The following AFF3 variants were observed in gnomAD, a reference collection of about 807,000 sequenced individuals.
AFF3 encodes the protein ALF transcription elongation factor 3, also known as AF4/FMR2 family member 3.
In AFF3, 32 loss-of-function variants were observed where a neutral mutation model predicts 129.7. That is an observed-to-expected ratio of 0.25 (90% CI 0.19 to 0.33). The LOEUF (loss-of-function observed/expected upper bound fraction) is 0.33. Among genes scored for constraint, AFF3 ranks in the 10% least tolerant of loss-of-function variants. The pLI is 1.00. For missense variants in AFF3, 1,373 were observed against 1,592.0 expected (o/e 0.86, Z 2.34); for synonymous variants, 644 against 635.4 (o/e 1.01, Z -0.20).
At chr2:99,650,119 G>A (rs932115859) in intron 12 of AFF3, among the ~76,000 whole-genome samples, 1 of 152,218 alleles carries the variant, frequency 6.6e-6, no homozygotes, top group South Asian at 2.1e-4. Context: ...AGTTTCCACA[G>A]TTGGAATATG....
At chr2:99,701,741 C>T (rs1028103615) in intron 11 of AFF3, among the ~76,000 whole-genome samples, 3 of 152,190 alleles carry the variant, frequency 2.0e-5, no homozygotes, top group African/African-American at 7.2e-5. Flanking sequence ...TGTAGCTACA[C>T]GTAACAGTCT....
chr2:99,937,446 C>T (rs955001877), intron 7 of AFF3, among the ~76,000 whole-genome samples: 30 of 152,084 alleles, frequency 2.0e-4, no homozygotes, highest in African/African-American at 7.0e-4. Context: ...GTTGCCCAGG[C>T]TGGAGTGGAG....
intron 10 of AFF3, 30 bp downstream of exon 10, chr2:99,744,074 G>A: frequency 1.3e-6 from 2 of 1,554,304 alleles, no homozygotes; most frequent in Non-Finnish European, 8.8e-7. Flanking sequence ...CTGCTCCCCA[G>A]ATGAAACTCC....
intron 1 of AFF3, among the ~76,000 whole-genome samples, chr2:100,134,303 A>G (rs1239560128): frequency 6.6e-6 from 1 of 152,196 alleles, no homozygotes; most frequent in Admixed American, 6.5e-5. Flanking sequence ...CATCAATATT[A>G]TTGTATTTCA....
At chr2:99,816,862 TCTC>T (rs1188289761) in intron 8 of AFF3, among the ~76,000 whole-genome samples, 1 of 152,126 alleles carries the variant, frequency 6.6e-6, no homozygotes, top group African/African-American at 2.4e-5. Flanking sequence ...GTTCTTCTTT[TCTC>T]CTCCTCTGGG....
chr2:100,018,203 C>A (rs927953060), intron 4 of AFF3, among the ~76,000 whole-genome samples: 19 of 151,920 alleles, frequency 1.3e-4, no homozygotes, highest in African/African-American at 3.9e-4. Context: ...CCCATTTTAC[C>A]GATTTTTTAG....
At chr2:100,045,107 G>A (rs1685727868) in intron 4 of AFF3, among the ~76,000 whole-genome samples, 2 of 152,176 alleles carry the variant, frequency 1.3e-5, no homozygotes, top group South Asian at 4.2e-4. Context: ...GGCTGGTCAG[G>A]AAGAGAAATG....
intron 7 of AFF3, among the ~76,000 whole-genome samples, chr2:99,908,706 C>CA (rs1303034569): frequency 6.6e-6 from 1 of 152,026 alleles, no homozygotes; most frequent in Non-Finnish European, 1.5e-5. Context: ...TTTATGCAGC[C>CA]AAAAAACACA....
In AFF3 at chr2:99,546,142, T is replaced by C. The variant is rs920551348; in HGVS notation, c.*5332A>G. The C allele has an allele frequency of 4.4e-6, 1 of 228,974 alleles. No homozygotes were observed. Among genetic ancestry groups the C allele is most frequent in the Admixed American group, 5.7e-5 (1 of 17,656 alleles). The allele number at this position is 228,974 out of a possible 1,614,324, so 14.2% of individuals were successfully genotyped here. A position where few individuals can be genotyped will look rare whatever the true frequency, so the allele number is the denominator to read the frequency against. On this transcript the variant is annotated 3_prime_UTR_variant, in exon 25 of 25. Coordinates refer to ENST00000672756, the MANE Select transcript of AFF3 (RefSeq NM_001386135.1). Reference sequence around the variant, plus strand: ...AAAAAACTTTCAAGATTCCACTTGATCCGGGTTTCTTCGAAAATGTATTAC... The same window carrying C: ...AAAAAACTTTCAAGATTCCACTTGACCCGGGTTTCTTCGAAAATGTATTAC...
intron 4 of AFF3, among the ~76,000 whole-genome samples, chr2:100,039,820 T>C (rs1035937150): frequency 2.6e-5 from 4 of 152,190 alleles, no homozygotes; most frequent in African/African-American, 9.6e-5. Context: ...GGTGATTGCC[T>C]GTCGCTTCCT....
chr2:99,582,925 T>C lies in AFF3; in HGVS notation c.2666A>G (p.His889Arg). 1 of 1,614,166 alleles carries C rather than the reference T, an allele frequency of 6.2e-7. No individual in the cohort carries two copies. Among genetic ancestry groups the C allele is most frequent in the Non-Finnish European group, 8.5e-7 (1 of 1,180,006 alleles). ...PISPLSDASKHKYTSEDLTSS... is the reference protein window; with the variant it reads ...PISPLSDASKRKYTSEDLTSS... ...AGTTAAGTCCTCGCTGGTGTATTTGTGTTTAGATGCATCAGAGAGGGGTGA... is the reference window on the plus strand; with the variant it reads ...AGTTAAGTCCTCGCTGGTGTATTTGCGTTTAGATGCATCAGAGAGGGGTGA... The change falls in exon 17 of 25, where the codon CAC (histidine) becomes CGC (arginine). Residue 889 changes from histidine (H) to arginine (R), a missense_variant. Physicochemically the swap from His to Arg is conservative, Grantham distance 29 (BLOSUM62 0). This residue lies in a region of AFF3 where 466 missense variants were observed against 505.0 expected (regional missense o/e 0.92). Transcript: ENST00000672756.
chr2:100,113,425 G>C (rs542910076), intron 2 of AFF3, among the ~76,000 whole-genome samples: 1 of 152,266 alleles, frequency 6.6e-6, no homozygotes, highest in South Asian at 2.1e-4. Flanking sequence ...AAACAGACAT[G>C]GTCTCATGAA....
intron 2 of AFF3, among the ~76,000 whole-genome samples, chr2:100,113,445 A>G (rs1352115290): frequency 6.6e-6 from 1 of 152,240 alleles, no homozygotes; most frequent in East Asian, 1.9e-4. Context: ...AACAGGCCAT[A>G]TACAATGTTG....
At chr2:99,947,523 GAA>G (rs1411559467) in intron 7 of AFF3, among the ~76,000 whole-genome samples, 2 of 96,456 alleles carry the variant, frequency 2.1e-5, no homozygotes, top group African/African-American at 1.1e-4. Flanking sequence ...GAGAGAGAGA[GAA>G]AGAAAGAAAG....
chr2:99,759,451 T>TCTA (rs1558823311), intron 8 of AFF3, among the ~76,000 whole-genome samples: 4 of 152,260 alleles, frequency 2.6e-5, no homozygotes, highest in African/African-American at 7.2e-5. Context: ...TATTTACTTA[T>TCTA]CTTTGTGGAG....
chr2:99,889,573 T>C (rs1693386093), intron 7 of AFF3, among the ~76,000 whole-genome samples: 1 of 152,194 alleles, frequency 6.6e-6, no homozygotes, highest in Non-Finnish European at 1.5e-5. Context: ...AAAGCTATAA[T>C]GCTATCTTTA....
intron 7 of AFF3, among the ~76,000 whole-genome samples, chr2:99,883,324 A>G (rs969239289): frequency 6.6e-6 from 1 of 152,222 alleles, no homozygotes; most frequent in Non-Finnish European, 1.5e-5. Flanking sequence ...AAAAATTCCC[A>G]TTAAAGAAGG....
chr2:99,644,834 G>T (rs754812286), intron 13 of AFF3, among the ~76,000 whole-genome samples: 30 of 152,162 alleles, frequency 2.0e-4, no homozygotes, highest in Admixed American at 6.5e-5. Flanking sequence ...CGGTGATGTG[G>T]CTTCTTTCGC....
At chr2:100,106,689 A>G in intron 2 of AFF3, 1 of 985,414 alleles carries the variant, frequency 1.0e-6, no homozygotes, top group Non-Finnish European at 1.2e-6. Context: ...CAGAAAGGAG[A>G]CCTCCCGGCC....
Sources: allele counts gnomAD v4.1 joint callset (sites outside exome capture counted in the v4.1 genomes callset), GRCh38; gene constraint gnomAD v4.1.1; regional missense constraint gnomAD v4.1.1; transcripts MANE v1.5; gene names NCBI Gene and HGNC (gene_info 2026-07-23, HGNC 2026-07-21).